Variants in RIMS2 observed in about 807,000 individuals in gnomAD.
RIMS2 encodes the protein regulating synaptic membrane exocytosis protein 2.
In RIMS2, 59 loss-of-function variants were observed where a neutral mutation model predicts 174.4. The ratio of observed to expected loss-of-function variants is 0.34; its 90% confidence interval spans 0.27 to 0.42. RIMS2 has a LOEUF of 0.42. RIMS2 is among the 10% of genes least tolerant of loss of function. RIMS2 has a pLI of 1.00. For synonymous variants in RIMS2, 606 were observed against 572.5 expected, an observed-to-expected ratio of 1.06 and a Z score of -0.84; for missense variants, 1,620 against 1,666.3, an observed-to-expected ratio of 0.97 and a Z score of 0.48.
At chr8:104,058,745 A>G (rs1449269918) in intron 19 of RIMS2, among the ~76,000 whole-genome samples, 4 of 152,280 alleles carry the variant, frequency 2.6e-5, no homozygotes, top group Admixed American at 6.5e-5. Flanking sequence ...TAATTTTTGT[A>G]TAAGGCGTAA....
At chr8:104,102,555 A>T (rs1026242448) in intron 19 of RIMS2, among the ~76,000 whole-genome samples, 1 of 152,200 alleles carries the variant, frequency 6.6e-6, no homozygotes, top group Non-Finnish European at 1.5e-5. Flanking sequence ...GTCCATTTTC[A>T]TACTGCTATG....
intron 2 of RIMS2, among the ~76,000 whole-genome samples, chr8:103,755,337 C>T (rs889119974): frequency 6.6e-6 from 1 of 152,142 alleles, no homozygotes; most frequent in African/African-American, 2.4e-5. Flanking sequence ...GGTAACCTGC[C>T]TTTTCTCTCT....
chr8:103,886,319 A>G (rs1452010782), intron 4 of RIMS2, 96 bp downstream of exon 7: 3 of 1,012,516 alleles, frequency 3.0e-6, no homozygotes, highest in Admixed American at 5.6e-5. Context: ...AGGTATTACT[A>G]GTAGCTTTAT....
At position 103,902,807 on chromosome 8, in the gene RIMS2, G is replaced by A. The variant is rs78336538; in HGVS notation, c.1625-7327G>A. Among the ~76,000 whole-genome samples the A allele has an allele frequency of 1.1e-4, 17 of 152,098 alleles. No individual in the cohort carries two copies. In the East Asian group the frequency reaches 2.1e-3, roughly 19 times the overall value. On this transcript the variant is annotated intron_variant, in intron 4 of 23. Coordinates refer to ENST00000504942, the Ensembl canonical transcript of RIMS2. ...AATCCTCTTAGTGAAGCATATTGTC[G>A]TTATTATTTGAAAAAAGTCCTACAC...
intron 3 of RIMS2, among the ~76,000 whole-genome samples, chr8:103,825,460 T>G (rs1291991257): frequency 6.7e-6 from 1 of 150,366 alleles, no homozygotes; most frequent in Non-Finnish European, 1.5e-5. Flanking sequence ...TTTTTTTTTT[T>G]TTTTGTTAGA....
intron 19 of RIMS2, among the ~76,000 whole-genome samples, chr8:104,165,364 T>C (rs1281996209): frequency 6.6e-6 from 1 of 152,228 alleles, no homozygotes; most frequent in Non-Finnish European, 1.5e-5. Flanking sequence ...TTTTTAATCA[T>C]TTTAAGTACA....
chr8:104,063,320 A>C (rs532536285), intron 19 of RIMS2, among the ~76,000 whole-genome samples: 1 of 151,976 alleles, frequency 6.6e-6, no homozygotes, highest in African/African-American at 2.4e-5. Context: ...AACAATAAAA[A>C]TTGTTTTCTA....
chr8:103,833,165 C>T (rs772465336), intron 3 of RIMS2, among the ~76,000 whole-genome samples: 5 of 151,990 alleles, frequency 3.3e-5, no homozygotes, highest in Non-Finnish European at 5.9e-5. Context: ...TTTAAATTTA[C>T]GTTTCTGTAG....
intron 1 of RIMS2, among the ~76,000 whole-genome samples, chr8:103,608,748 G>T (rs1181155311): frequency 5.3e-5 from 8 of 150,726 alleles, no homozygotes; most frequent in Non-Finnish European, 1.2e-4. Flanking sequence ...GGAGTGACCC[G>T]ATTTTCCAGG....
At chr8:103,726,658 G>A (rs12707794) in intron 2 of RIMS2, among the ~76,000 whole-genome samples, 1 of 148,856 alleles carries the variant, frequency 6.7e-6, no homozygotes, top group Admixed American at 6.7e-5. Context: ...TGTTTTTGAT[G>A]TATTCACCTT....
chr8:103,926,080 GT>G (rs1157445433), intron 10 of RIMS2, among the ~76,000 whole-genome samples: 1 of 151,390 alleles, frequency 6.6e-6, no homozygotes, highest in Non-Finnish European at 1.5e-5. Context: ...ATGGAAAAAT[GT>G]TTGCTTTTAA....
intron 3 of RIMS2, among the ~76,000 whole-genome samples, chr8:103,854,223 T>C (rs77959977): frequency 0.12 from 18,898 of 152,086 alleles, 1,278 homozygotes; most frequent in Middle Eastern, 0.22. Context: ...TTTTTTACAT[T>C]GATTTTGTAA....
chr8:103,621,947 C>A (rs1307093352), intron 1 of RIMS2, among the ~76,000 whole-genome samples: 3 of 151,854 alleles, frequency 2.0e-5, no homozygotes, highest in Non-Finnish European at 4.4e-5. Flanking sequence ...TGAGGGTAAC[C>A]AAAAATAATT....
intron 12 of RIMS2, among the ~76,000 whole-genome samples, chr8:103,931,633 A>G (rs1460221244): frequency 1.3e-5 from 2 of 152,096 alleles, no homozygotes; most frequent in Non-Finnish European, 2.9e-5. Flanking sequence ...TTTCTTGTAT[A>G]TATTTTCATT....
chr8:103,873,938 A>G (rs2099123913), intron 3 of RIMS2, among the ~76,000 whole-genome samples: 1 of 152,086 alleles, frequency 6.6e-6, no homozygotes, highest in Admixed American at 6.6e-5. Context: ...AGGTTCAAGT[A>G]ATAGAAACCC....
At chr8:103,876,371 A>T (rs1006728393) in intron 3 of RIMS2, among the ~76,000 whole-genome samples, 7 of 150,966 alleles carry the variant, frequency 4.6e-5, no homozygotes, top group African/African-American at 1.7e-4. Context: ...TCCCTTCCCC[A>T]GTGTATGGTT....
At chr8:103,758,435 C>G (rs764592977) in intron 2 of RIMS2, among the ~76,000 whole-genome samples, 2 of 152,202 alleles carry the variant, frequency 1.3e-5, no homozygotes, top group African/African-American at 4.8e-5. Flanking sequence ...GTGTGTCCCA[C>G]TTGCCCAAGC....
chr8:103,659,067 A>T (rs2096565480), intron 1 of RIMS2, among the ~76,000 whole-genome samples: 1 of 152,170 alleles, frequency 6.6e-6, no homozygotes, highest in Admixed American at 6.5e-5. Flanking sequence ...TTTAATTTTA[A>T]TTTTTAAAGT....
intron 1 of RIMS2, among the ~76,000 whole-genome samples, chr8:103,693,640 C>A (rs77802102): frequency 0.01 from 1,546 of 152,224 alleles, 29 homozygotes; most frequent in African/African-American, 0.035. Flanking sequence ...TGTGGTGATT[C>A]TGGGCAAGCT....
Sources: allele counts gnomAD v4.1 joint callset (sites outside exome capture counted in the v4.1 genomes callset), GRCh38; gene constraint gnomAD v4.1.1; transcripts MANE v1.5; gene names NCBI Gene and HGNC (gene_info 2026-07-23, HGNC 2026-07-21).